The following IL1RAP variants were observed in gnomAD, a reference collection of about 807,000 sequenced individuals.
The protein encoded by IL1RAP is interleukin-1 receptor accessory protein.
IL1RAP carries 35 observed loss-of-function variants against 60.7 expected under a neutral mutation model. That is an observed-to-expected ratio of 0.58 (90% CI 0.44 to 0.76). The LOEUF (loss-of-function observed/expected upper bound fraction) is 0.76, where lower values mean the gene tolerates loss of function less well. Ranked by LOEUF, IL1RAP falls within the 30% of genes least tolerant of loss-of-function variation. The pLI is 0.00. For synonymous variants in IL1RAP, 268 were observed against 250.9 expected (o/e 1.07, Z -0.64); for missense variants, 572 against 693.9 (o/e 0.82, Z 1.97).
At chr3:190,580,462 TGTCA>T (rs769557241) in intron 3 of IL1RAP, among the ~76,000 whole-genome samples, 23 of 152,294 alleles carry the variant, frequency 1.5e-4, no homozygotes, top group Admixed American at 2.6e-4. Context: ...TACAATTGAG[TGTCA>T]GTCAGCCCTA....
At chr3:190,613,906 T>G (rs752630762) in intron 5 of IL1RAP, among the ~76,000 whole-genome samples, 4 of 152,102 alleles carry the variant, frequency 2.6e-5, no homozygotes, top group African/African-American at 9.7e-5. Context: ...TTCTGATATA[T>G]TGCTTCCTGT....
intron 1 of IL1RAP, among the ~76,000 whole-genome samples, chr3:190,542,650 T>C (rs1209854594): frequency 1.3e-5 from 2 of 152,128 alleles, no homozygotes; most frequent in African/African-American, 2.4e-5. Context: ...TCTCTTGGCT[T>C]TCCTCTGATT....
downstream of IL1RAP, among the ~76,000 whole-genome samples, chr3:190,655,154 T>C (rs1041669278): frequency 2.0e-5 from 3 of 152,194 alleles, no homozygotes; most frequent in African/African-American, 7.2e-5. Context: ...AGGATATAAC[T>C]GAGAATCTTA....
chr3:190,636,923 AG>A (rs1314691660), intron 9 of IL1RAP, among the ~76,000 whole-genome samples: 1 of 150,750 alleles, frequency 6.6e-6, no homozygotes, highest in African/African-American at 2.4e-5. Context: ...CACTTTTTTG[AG>A]CTTTTGGCTC....
Sources: allele counts gnomAD v4.1 joint callset (sites outside exome capture counted in the v4.1 genomes callset), GRCh38; gene constraint gnomAD v4.1.1; transcripts MANE v1.5; gene names NCBI Gene and HGNC (gene_info 2026-07-23, HGNC 2026-07-21).